Variants in RSBN1L observed in about 807,000 individuals in gnomAD.
RSBN1L encodes lysine-specific demethylase RSBN1L.
RSBN1L carries 30 observed loss-of-function variants against 67.7 expected under a neutral mutation model. That is an observed-to-expected ratio of 0.44 (90% CI 0.33 to 0.60). The LOEUF (loss-of-function observed/expected upper bound fraction) is 0.60, where lower values mean the gene tolerates loss of function less well. Among genes scored for constraint, RSBN1L ranks in the 20% least tolerant of loss-of-function variants. The pLI is 0.02. For missense variants in RSBN1L, 992 were observed against 1,031.7 expected, an observed-to-expected ratio of 0.96 and a Z score of 0.53; for synonymous variants, 433 against 387.0, an observed-to-expected ratio of 1.12 and a Z score of -1.39.
chr7:77,779,159 T>G lies in RSBN1L; in HGVS notation c.2532T>G (p.Ile844Met). 6.3e-7 allele frequency: 1 copy of G among 1,578,302 alleles called. No individual in the cohort carries two copies. The highest frequency in any genetic ancestry group is 8.6e-7 in the Non-Finnish European group (1 of 1,167,310). ...ATCAAGATAAAAAAGACGATGACAT[T>G]TTGTGCTAAATTTGCATATACCATC... ...HSNQDKKDDD[I>M]LC Residue 844 changes from isoleucine to methionine, a missense_variant, in exon 8 of 8, where the codon ATT (isoleucine) becomes ATG (methionine). Around this residue, in one of 7 missense-constraint regions of RSBN1L, gnomAD observed 199 missense variants for 167.7 expected, o/e 1.19. Coordinates refer to ENST00000334955, the MANE Select transcript of RSBN1L (RefSeq NM_198467.3).
intron 3 of RSBN1L, among the ~76,000 whole-genome samples, chr7:77,750,741 A>C (rs563838401): frequency 6.6e-6 from 1 of 152,250 alleles, no homozygotes; most frequent in Non-Finnish European, 1.5e-5. Flanking sequence ...CAGTTCTCAC[A>C]TTTATTGATG....
intron 1 of RSBN1L, among the ~76,000 whole-genome samples, chr7:77,725,928 A>G (rs1791197643): frequency 6.6e-6 from 1 of 151,978 alleles, no homozygotes; most frequent in African/African-American, 2.4e-5. Context: ...TACTATATAT[A>G]TGCCTTTTTC....
chr7:77,702,428 T>G (rs373932577), intron 1 of RSBN1L, among the ~76,000 whole-genome samples: 3 of 152,286 alleles, frequency 2.0e-5, no homozygotes. Flanking sequence ...TTATTTTTGG[T>G]TTTTCTTACT....
At chr7:77,738,022 C>CA (rs957828041) in intron 2 of RSBN1L, among the ~76,000 whole-genome samples, 510 of 109,392 alleles carry the variant, frequency 4.7e-3, no homozygotes, top group Middle Eastern at 0.022. Context: ...GATTCAGTCT[C>CA]AAAAAAAAAA....
intron 1 of RSBN1L, among the ~76,000 whole-genome samples, chr7:77,724,912 G>A (rs1406906289): frequency 6.9e-6 from 1 of 145,312 alleles, no homozygotes; most frequent in African/African-American, 2.6e-5. Flanking sequence ...GTGCAATCTC[G>A]GTTCACTGCA....
chr7:77,741,559 G>A (rs1791409993), intron 2 of RSBN1L, among the ~76,000 whole-genome samples: 1 of 151,778 alleles, frequency 6.6e-6, no homozygotes. Context: ...GGGCGTGGTG[G>A]CAGGCACCTG....
At chr7:77,697,099 C>T (rs1790746436) in intron 1 of RSBN1L, 44 bp downstream of exon 1, 6 of 1,325,492 alleles carry the variant, frequency 4.5e-6, no homozygotes, top group Non-Finnish European at 5.8e-6. Flanking sequence ...GCCGTGGGTC[C>T]CCGCCGCCCC....
At chr7:77,748,740 C>T (rs1242526035) in intron 2 of RSBN1L, among the ~76,000 whole-genome samples, 1 of 152,120 alleles carries the variant, frequency 6.6e-6, no homozygotes, top group African/African-American at 2.4e-5. Flanking sequence ...TCACCTCGGC[C>T]TCCCAAAGTG....
intron 1 of RSBN1L, among the ~76,000 whole-genome samples, chr7:77,702,949 A>AT (rs2150411265): frequency 6.6e-6 from 1 of 152,160 alleles, no homozygotes; most frequent in African/African-American, 2.4e-5. Context: ...GAAAAGCCTT[A>AT]TTTTCAGATA....
chr7:77,725,182 G>A (rs1791180124), intron 1 of RSBN1L, among the ~76,000 whole-genome samples: 1 of 145,518 alleles, frequency 6.9e-6, no homozygotes. Flanking sequence ...AAATAATTTA[G>A]GAAGTAAATG....
At chr7:77,748,493 T>C (rs1183310492) in intron 2 of RSBN1L, among the ~76,000 whole-genome samples, 1 of 152,156 alleles carries the variant, frequency 6.6e-6, no homozygotes, top group African/African-American at 2.4e-5. Flanking sequence ...TTTTTCTTTA[T>C]TTTTTTCTTT....
intron 2 of RSBN1L, among the ~76,000 whole-genome samples, chr7:77,738,592 T>G (rs1403068919): frequency 6.6e-6 from 1 of 152,092 alleles, no homozygotes; most frequent in Non-Finnish European, 1.5e-5. Context: ...TACTACTGAG[T>G]AGTAAATAGT....
intron 1 of RSBN1L, among the ~76,000 whole-genome samples, chr7:77,718,366 A>G (rs1295655871): frequency 6.6e-6 from 1 of 152,118 alleles, no homozygotes; most frequent in Non-Finnish European, 1.5e-5. Context: ...CACTGGTGCA[A>G]TCACGGCTTC....
intron 1 of RSBN1L, among the ~76,000 whole-genome samples, chr7:77,732,801 A>G (rs1791288165): frequency 6.6e-6 from 1 of 152,210 alleles, no homozygotes; most frequent in South Asian, 2.1e-4. Context: ...TATCTTTACA[A>G]ACTGCCTCAG....
intron 3 of RSBN1L, among the ~76,000 whole-genome samples, chr7:77,753,511 A>C (rs1791580578): frequency 1.3e-5 from 2 of 152,186 alleles, no homozygotes; most frequent in African/African-American, 2.4e-5. Context: ...GTAGATAAGA[A>C]TCTTTTGTCA....
chr7:77,714,903 C>G (rs919477954), intron 1 of RSBN1L, among the ~76,000 whole-genome samples: 1 of 145,230 alleles, frequency 6.9e-6, no homozygotes, highest in Non-Finnish European at 1.5e-5. Context: ...GCGGAGCTTG[C>G]AGTGAGCTGA....
chr7:77,773,056 A>G (rs1217863033), intron 5 of RSBN1L, 91 bp from the exon 6 acceptor site: 4 of 636,028 alleles, frequency 6.3e-6, no homozygotes, highest in Non-Finnish European at 9.9e-6. Context: ...AGCAAATTTC[A>G]TATATTTTTG....
intron 1 of RSBN1L, among the ~76,000 whole-genome samples, chr7:77,699,796 ATT>A (rs374246949): frequency 2.0e-4 from 28 of 142,638 alleles, no homozygotes; most frequent in African/African-American, 3.1e-4. Context: ...AACAGTTTAG[ATT>A]TTTTTTTTTT....
intron 1 of RSBN1L, among the ~76,000 whole-genome samples, chr7:77,705,533 A>ATGGAGTCT (rs1242336790): frequency 2.9e-5 from 1 of 34,874 alleles, no homozygotes; most frequent in Non-Finnish European, 4.9e-5. Context: ...TTTTTTTGTG[A>ATGGAGTCT]TGGAGTCTTG....
Sources: gnomAD v4.1 joint callset for allele counts (sites outside exome capture counted in the v4.1 genomes callset) on GRCh38, gnomAD v4.1.1 for gene constraint, gnomAD v4.1.1 regional missense constraint, MANE v1.5 for transcripts, NCBI Gene and HGNC (gene_info 2026-07-23, HGNC 2026-07-21) for gene names.